Variants in HCN1 observed in about 807,000 individuals in gnomAD.
HCN1 encodes the protein hyperpolarization activated cyclic nucleotide gated potassium channel 1.
In HCN1, 13 loss-of-function variants were observed where a neutral mutation model predicts 78.9. The ratio of observed to expected loss-of-function variants is 0.16; its 90% CI spans 0.11 to 0.26. The LOEUF is 0.26. Ranked by LOEUF, HCN1 falls within the 10% of genes least tolerant of loss-of-function variation. The pLI is 1.00. For synonymous variants in HCN1, 552 were observed against 455.5 expected (o/e 1.21, Z -2.70); for missense variants, 810 against 1,154.3 (o/e 0.70, Z 4.32).
Position 45,262,010 on chromosome 5 carries a change from G to A in HCN1, c.2584C>T (p.Pro862Ser). ...TCTCTTGGAAGAGCAGCTGCTGGTG[G>A]AGGGGGTGCTGGAGGGACTCCTCGG... Reference protein sequence around the residue: ...PNRGVPPAPPPPAAALPRESS... With the variant: ...PNRGVPPAPPSPAAALPRESS... Residue 862 changes from proline to serine, a missense_variant, in exon 8 of 8, where the codon CCA (proline) becomes TCA (serine). Pro to Ser is a moderately conservative substitution (Grantham distance 74). Coordinates refer to ENST00000303230, the MANE Select transcript of HCN1 (RefSeq NM_021072.4). 1 of 1,614,166 alleles carries A rather than the reference G, an allele frequency of 6.2e-7. No individual in the cohort carries two copies. The highest frequency in any genetic ancestry group is 8.5e-7 in the Non-Finnish European group (1 of 1,180,028).
At position 45,262,799 on chromosome 5, in the gene HCN1, A is replaced by G. The variant is rs1382153041; in HGVS notation, c.1795T>C (p.Ser599Pro). The G allele has an allele frequency of 3.1e-6, 5 of 1,613,888 alleles. No individual in the cohort carries two copies. Among genetic ancestry groups the G allele is most frequent in the Non-Finnish European group, 4.2e-6 (5 of 1,180,036 alleles). The part of the protein sequence containing the change: ...DRLDRIGKKN[S>P]ILLQKFQKDL... ...TTCTGGAACTTTTGCAGAAGAATTG[A>G]ATTTTTCTTTCCTGTCAGCAAAAGA... is the stretch of plus-strand genomic sequence containing the variant. Residue 599 changes from serine to proline, a missense_variant, in exon 8 of 8, where the codon TCA (serine) becomes CCA (proline). Ser to Pro is a moderately conservative substitution (Grantham distance 74). Transcript: ENST00000303230.
At chr5:45,298,220 T>C (rs1745538089) in intron 6 of HCN1, among the ~76,000 whole-genome samples, 3 of 152,164 alleles carry the variant, frequency 2.0e-5, no homozygotes, top group South Asian at 4.1e-4. Context: ...AATTGGTTGA[T>C]GTATAAATGA....
intron 2 of HCN1, among the ~76,000 whole-genome samples, chr5:45,467,029 A>G (rs748585492): frequency 5.3e-5 from 8 of 152,040 alleles, no homozygotes; most frequent in Non-Finnish European, 8.8e-5. Flanking sequence ...GCCTCCTCCA[A>G]GTATTGTCCC....
At chr5:45,552,132 C>T (rs1162917192) in intron 2 of HCN1, among the ~76,000 whole-genome samples, 1 of 151,862 alleles carries the variant, frequency 6.6e-6, no homozygotes, top group African/African-American at 2.4e-5. Context: ...TGCATCTGAG[C>T]TTGAGCTAAG....
intron 2 of HCN1, among the ~76,000 whole-genome samples, chr5:45,568,206 C>T (rs1416383814): frequency 6.6e-6 from 1 of 151,958 alleles, no homozygotes; most frequent in Non-Finnish European, 1.5e-5. Flanking sequence ...TTACGATCAT[C>T]AGATTAAAAA....
At chr5:45,605,568 C>T (rs766987167) in intron 2 of HCN1, among the ~76,000 whole-genome samples, 6 of 151,546 alleles carry the variant, frequency 4.0e-5, no homozygotes, top group Middle Eastern at 3.5e-3. Context: ...GTAATGTGGA[C>T]AGCATTATCA....
At chr5:45,551,991 G>A (rs1743379156) in intron 2 of HCN1, among the ~76,000 whole-genome samples, 1 of 151,916 alleles carries the variant, frequency 6.6e-6, no homozygotes, top group Non-Finnish European at 1.5e-5. Context: ...TATATACACA[G>A]TGACCATTAA....
chr5:45,491,195 A>T (rs149416285), intron 2 of HCN1, among the ~76,000 whole-genome samples: 1 of 152,288 alleles, frequency 6.6e-6, no homozygotes, highest in Non-Finnish European at 1.5e-5. Flanking sequence ...ACTCTACAAT[A>T]TTAGGATATA....
At chr5:45,311,771 T>C (rs988660367) in intron 5 of HCN1, among the ~76,000 whole-genome samples, 2 of 152,226 alleles carry the variant, frequency 1.3e-5, no homozygotes, top group African/African-American at 4.8e-5. Context: ...TATTTATTCC[T>C]CTGAGGAAAA....
chr5:45,268,172 C>G (rs962410914), intron 6 of HCN1, among the ~76,000 whole-genome samples: 7 of 152,262 alleles, frequency 4.6e-5, no homozygotes, highest in African/African-American at 1.7e-4. Context: ...CAGAGGGACT[C>G]TCTATTTAAA....
At chr5:45,515,735 C>G (rs1013118730) in intron 2 of HCN1, among the ~76,000 whole-genome samples, 1 of 151,936 alleles carries the variant, frequency 6.6e-6, no homozygotes, top group Non-Finnish European at 1.5e-5. Flanking sequence ...ACTTTATACC[C>G]AACCTATAAC....
chr5:45,597,365 A>G (rs946540540), intron 2 of HCN1, among the ~76,000 whole-genome samples: 9 of 152,230 alleles, frequency 5.9e-5, no homozygotes, highest in South Asian at 2.1e-4. Flanking sequence ...ACAAAATTCA[A>G]CAGCCCTTCA....
At chr5:45,590,475 A>T (rs1363361749) in intron 2 of HCN1, among the ~76,000 whole-genome samples, 2 of 152,200 alleles carry the variant, frequency 1.3e-5, no homozygotes, top group African/African-American at 2.4e-5. Context: ...GTATAGTTAC[A>T]GTTGATGAAT....
intron 2 of HCN1, among the ~76,000 whole-genome samples, chr5:45,548,884 C>A (rs1016397134): frequency 9.9e-5 from 15 of 151,680 alleles, no homozygotes; most frequent in Admixed American, 3.3e-4. Flanking sequence ...CATGAGTGAA[C>A]TCCCATTCAC....
chr5:45,633,523 A>G (rs1293328795), intron 2 of HCN1, among the ~76,000 whole-genome samples: 2 of 151,996 alleles, frequency 1.3e-5, no homozygotes, highest in Non-Finnish European at 2.9e-5. Context: ...ATTCTATTCA[A>G]TAATTCACAA....
chr5:45,571,497 G>A (rs1743833713), intron 2 of HCN1, among the ~76,000 whole-genome samples: 1 of 152,088 alleles, frequency 6.6e-6, no homozygotes, highest in African/African-American at 2.4e-5. Flanking sequence ...AGAATGGTGG[G>A]GATGAAAGAT....
chr5:45,594,735 TG>T (rs1242081283), intron 2 of HCN1, among the ~76,000 whole-genome samples: 5 of 152,242 alleles, frequency 3.3e-5, no homozygotes, highest in Non-Finnish European at 4.4e-5. Flanking sequence ...CATAAGGAGA[TG>T]TCTCCTTAAG....
At chr5:45,596,502 T>C (rs1250179944) in intron 2 of HCN1, among the ~76,000 whole-genome samples, 4 of 152,216 alleles carry the variant, frequency 2.6e-5, no homozygotes, top group Admixed American at 2.0e-4. Flanking sequence ...GAATAACAGT[T>C]TGTGTACATA....
chr5:45,348,631 G>A (rs1034362944), intron 5 of HCN1, among the ~76,000 whole-genome samples: 14 of 152,178 alleles, frequency 9.2e-5, no homozygotes, highest in African/African-American at 3.4e-4. Flanking sequence ...CATCTCATGT[G>A]CAGAGACACA....
Sources: allele counts gnomAD v4.1 joint callset (sites outside exome capture counted in the v4.1 genomes callset), GRCh38; gene constraint gnomAD v4.1.1; transcripts MANE v1.5; gene names NCBI Gene and HGNC (gene_info 2026-07-23, HGNC 2026-07-21).